PPA2: variants seen among roughly 807,000 people sequenced by gnomAD.
PPA2 encodes inorganic pyrophosphatase 2, mitochondrial.
In PPA2, 48 loss-of-function variants were observed where a neutral mutation model predicts 49.5. That is an observed-to-expected ratio of 0.97 (90% confidence interval 0.77 to 1.23). The LOEUF is 1.23. Ranked by LOEUF, PPA2 falls within the 50% of genes most tolerant of loss-of-function variation. The pLI, the probability that PPA2 is intolerant of heterozygous loss-of-function variation, is 0.00. For synonymous variants in PPA2, 131 were observed against 139.9 expected, an observed-to-expected ratio of 0.94 and a Z score of 0.45; for missense variants, 429 against 410.1, an observed-to-expected ratio of 1.05 and a Z score of -0.40.
intron 2 of PPA2, chr4:105,456,423 TA>T (rs1722877879): frequency 2.2e-6 from 1 of 454,592 alleles, no homozygotes; most frequent in Admixed American, 3.5e-5. Flanking sequence ...CCTAAATTAC[TA>T]CCCTTAAATC....
chr4:105,457,601 T>C lies in PPA2; in HGVS notation c.158-856A>G, dbSNP rs1265245195. 2.5e-5 allele frequency among the ~76,000 whole-genome samples: 3 copies of C among 117,974 alleles called. No individual in the cohort carries two copies. The East Asian group carries it at 5.8e-4, about 23-fold the overall frequency. The allele number at this position is 117,974 out of a possible 152,430, so 77.4% of individuals were successfully genotyped here. ...CAACCACATCTTGGTTTCTTTCTTC[T>C]TTTTTTTTGAGACAGGGTCTGGAAT... is the stretch of plus-strand genomic sequence containing the variant. On this transcript the variant is annotated intron_variant, in intron 1 of 11. Transcript: ENST00000341695.
chr4:105,454,374 C>T (rs1414344056), intron 2 of PPA2, among the ~76,000 whole-genome samples: 1 of 151,920 alleles, frequency 6.6e-6, no homozygotes, highest in Non-Finnish European at 1.5e-5. Flanking sequence ...GTCGCCCAGG[C>T]TGGTGGAGTG....
At chr4:105,470,192 AAAAC>A (rs1337956547) in intron 1 of PPA2, among the ~76,000 whole-genome samples, 27 of 152,386 alleles carry the variant, frequency 1.8e-4, no homozygotes, top group African/African-American at 5.8e-4. Flanking sequence ...TTAACGAAAC[AAAAC>A]AAACAAAAAC....
intron 6 of PPA2, among the ~76,000 whole-genome samples, chr4:105,431,543 G>A (rs546972602): frequency 5.4e-4 from 82 of 152,192 alleles, no homozygotes; most frequent in African/African-American, 1.9e-3. Flanking sequence ...TCCTCAAAGA[G>A]TAAATTCAGA....
chr4:105,394,373 C>CAAAAAAAAAAAAAAAAA (rs34736301), intron 9 of PPA2, among the ~76,000 whole-genome samples: 1 of 96,900 alleles, frequency 1.0e-5, no homozygotes, highest in Non-Finnish European at 2.0e-5. Flanking sequence ...GATTCCATTT[C>CAAAAAAAAAAAAAAAAA]AAAAAAAAAA....
At chr4:105,458,528 C>T (rs1047264734) in intron 1 of PPA2, among the ~76,000 whole-genome samples, 1 of 152,000 alleles carries the variant, frequency 6.6e-6, no homozygotes, top group Non-Finnish European at 1.5e-5. Context: ...TTCTGCCCAA[C>T]AAAAACAGAG....
chr4:105,397,280 C>T (rs537085798), intron 8 of PPA2, among the ~76,000 whole-genome samples: 6 of 152,182 alleles, frequency 3.9e-5, no homozygotes, highest in African/African-American at 9.6e-5. Flanking sequence ...GAATTTCTCT[C>T]GGGTCTACGA....
At chr4:105,393,315 G>A (rs953478410) in intron 9 of PPA2, among the ~76,000 whole-genome samples, 12 of 151,680 alleles carry the variant, frequency 7.9e-5, no homozygotes, top group South Asian at 6.2e-4. Context: ...GCAACATAGC[G>A]AGACCCTGTC....
At chr4:105,391,344 CAA>C (rs11373169) in intron 9 of PPA2, among the ~76,000 whole-genome samples, 7 of 102,518 alleles carry the variant, frequency 6.8e-5, no homozygotes, top group Admixed American at 1.2e-4. Flanking sequence ...CTTAAAGTAA[CAA>C]AAAAAAAAAA....
chr4:105,468,072 T>C (rs1460637082), intron 1 of PPA2, among the ~76,000 whole-genome samples: 1 of 152,242 alleles, frequency 6.6e-6, no homozygotes, highest in Non-Finnish European at 1.5e-5. Context: ...ATCTGTCACA[T>C]GGCCTGGTTT....
intron 5 of PPA2, among the ~76,000 whole-genome samples, chr4:105,440,198 T>C (rs1038473490): frequency 1.6e-4 from 24 of 152,148 alleles, no homozygotes; most frequent in Admixed American, 1.3e-3. Flanking sequence ...ACAAACTATC[T>C]TGATTAAACT....
intron 1 of PPA2, among the ~76,000 whole-genome samples, chr4:105,465,455 G>C (rs945986884): frequency 6.6e-6 from 1 of 152,080 alleles, no homozygotes; most frequent in Non-Finnish European, 1.5e-5. Flanking sequence ...TCCTAAGACT[G>C]CTTCTTTGCT....
chr4:105,463,610 T>C (rs1344303866), intron 1 of PPA2, among the ~76,000 whole-genome samples: 3 of 152,212 alleles, frequency 2.0e-5, no homozygotes, highest in Non-Finnish European at 4.4e-5. Context: ...GCCCTTCCCA[T>C]CACAGGCCCT....
chr4:105,449,234 A>ATTT, intron 4 of PPA2, 116 bp downstream of exon 4: 2 of 27,116 alleles, frequency 7.4e-5, no homozygotes, highest in Non-Finnish European at 7.2e-5. Flanking sequence ...AAAAAAAAAA[A>ATTT]AAAAAAAAAA....
chr4:105,412,903 A>G (rs1722828840), intron 7 of PPA2, among the ~76,000 whole-genome samples: 1 of 152,254 alleles, frequency 6.6e-6, no homozygotes. Flanking sequence ...AATTAGTTCA[A>G]CCATTGCAGA....
At chr4:105,455,257 A>G (rs924111606) in intron 2 of PPA2, among the ~76,000 whole-genome samples, 5 of 152,218 alleles carry the variant, frequency 3.3e-5, no homozygotes, top group Admixed American at 2.6e-4. Context: ...GGGAGACATG[A>G]GATATTTAGG....
rs1734270349 is a variant in PPA2, at chr4:105,399,352, T to C, written c.656-188A>G. On this transcript the variant is annotated intron_variant, in intron 7 of 11. Transcript: ENST00000341695. ...ACCTTCAGACTTTTGTGTTTTCATA[T>C]GTATAATACTATTCCTGCACTCTAC... is the stretch of plus-strand genomic sequence containing the variant. 3 of 498,242 alleles carry C rather than the reference T, an allele frequency of 6.0e-6. No individual in the cohort carries two copies. The Admixed American group carries it at 1.1e-4, about 19-fold the overall frequency. 30.9% of individuals were successfully genotyped at this position (498,242 alleles called of 1,614,324 possible). A position where few individuals can be genotyped will look rare whatever the true frequency, so the allele number is the denominator to read the frequency against.
At chr4:105,426,957 C>T (rs188545877) in intron 6 of PPA2, among the ~76,000 whole-genome samples, 3 of 152,270 alleles carry the variant, frequency 2.0e-5, no homozygotes, top group Non-Finnish European at 4.4e-5. Context: ...CAGTAGAGGC[C>T]GACAGACACC....
rs1732916414 is a variant in PPA2 at position 105,369,079 on chromosome 4, C to T, written c.*646G>A. ...TGAAAATGAAAGTAACAGTTGTCTA[C>T]ACAAAGTTTATTAATTTATTGAATC... On this transcript the variant is annotated 3_prime_UTR_variant, in exon 12 of 12. Transcript: ENST00000341695. 6.6e-6 allele frequency: 1 copy of T among 152,158 alleles called. No individual in the cohort carries two copies. The highest frequency in any genetic ancestry group is 1.5e-5 in the Non-Finnish European group (1 of 68,022). The allele number at this position is 152,158 out of a possible 1,614,324, so 9.4% of individuals were successfully genotyped here.
Sources: allele counts gnomAD v4.1 joint callset (sites outside exome capture counted in the v4.1 genomes callset), GRCh38; gene constraint gnomAD v4.1.1; transcripts MANE v1.5; gene names NCBI Gene and HGNC (gene_info 2026-07-23, HGNC 2026-07-21).